The following LYPLAL1 variants were observed in gnomAD, a reference collection of about 807,000 sequenced individuals.
The protein encoded by LYPLAL1 is lysophospholipase-like protein 1.
LYPLAL1 carries 23 observed loss-of-function variants against 19.7 expected under a neutral mutation model. That is an observed-to-expected ratio of 1.17 (90% confidence interval 0.84 to 1.65). The LOEUF is 1.65. Among genes scored for constraint, LYPLAL1 ranks in the 40% most tolerant of loss-of-function variants. LYPLAL1 has a pLI of 0.00. For synonymous variants in LYPLAL1, 119 were observed against 96.3 expected, an observed-to-expected ratio of 1.24 and a Z score of -1.38; for missense variants, 355 against 279.4, an observed-to-expected ratio of 1.27 and a Z score of -1.93.
At chr1:219,349,331 A>G in the LYPLAL1 span, among the ~76,000 whole-genome samples, 1 of 152,242 alleles carries the variant, frequency 6.6e-6, no homozygotes, top group Non-Finnish European at 1.5e-5. Context: ...CTAGAAGTTG[A>G]TAACACAGTG....
At chr1:219,276,982 A>T in the LYPLAL1 span, among the ~76,000 whole-genome samples, 2 of 152,200 alleles carry the variant, frequency 1.3e-5, no homozygotes, top group Non-Finnish European at 2.9e-5. Context: ...AATGACTTCC[A>T]TATTTTTCCC....
At chr1:219,330,091 C>T in the LYPLAL1 span, among the ~76,000 whole-genome samples, 1 of 152,102 alleles carries the variant, frequency 6.6e-6, no homozygotes, top group African/African-American at 2.4e-5. Flanking sequence ...TTTTGATATC[C>T]TTCAGTCATG....
chr1:219,320,138 G>A, the LYPLAL1 span, among the ~76,000 whole-genome samples: 9 of 152,150 alleles, frequency 5.9e-5, no homozygotes, highest in East Asian at 1.9e-4. Flanking sequence ...GTAGGTAAGC[G>A]TTTATAATTT....
chr1:219,210,344 A>T, intron 3 of LYPLAL1, 188 bp from the exon 4 acceptor site: 1 of 379,100 alleles, frequency 2.6e-6, no homozygotes, highest in Non-Finnish European at 4.7e-6. Context: ...ACCAGTGGTG[A>T]CATAGAGGGA....
the LYPLAL1 span, among the ~76,000 whole-genome samples, chr1:219,283,308 T>G: frequency 6.6e-6 from 1 of 152,150 alleles, no homozygotes; most frequent in Non-Finnish European, 1.5e-5. Context: ...GTAACTTTAT[T>G]GAGAGGTACT....
At chr1:219,349,647 G>T in the LYPLAL1 span, among the ~76,000 whole-genome samples, 21 of 152,184 alleles carry the variant, frequency 1.4e-4, no homozygotes, top group African/African-American at 4.1e-4. Flanking sequence ...GTGTGTATGT[G>T]CTTGTGTGTT....
At chr1:219,308,946 G>A in the LYPLAL1 span, among the ~76,000 whole-genome samples, 1 of 152,200 alleles carries the variant, frequency 6.6e-6, no homozygotes, top group African/African-American at 2.4e-5. Context: ...AGCTTGCACT[G>A]CACACCTGGG....
chr1:219,334,123 A>G, the LYPLAL1 span, among the ~76,000 whole-genome samples: 1 of 152,036 alleles, frequency 6.6e-6, no homozygotes, highest in Non-Finnish European at 1.5e-5. Context: ...TAGAATCCCA[A>G]GGCTTCTTTG....
chr1:219,305,647 G>A, the LYPLAL1 span, among the ~76,000 whole-genome samples: 12 of 152,292 alleles, frequency 7.9e-5, no homozygotes, highest in East Asian at 2.1e-3. Flanking sequence ...GTGATATTCA[G>A]GGCATTGGGT....
At chr1:219,411,373 C>T in the LYPLAL1 span, among the ~76,000 whole-genome samples, 1 of 152,090 alleles carries the variant, frequency 6.6e-6, no homozygotes, top group Non-Finnish European at 1.5e-5. Flanking sequence ...GTGAATGCAC[C>T]AATCAACACT....
At chr1:219,187,253 G>A (rs79689827) in intron 2 of LYPLAL1, among the ~76,000 whole-genome samples, 1 of 151,502 alleles carries the variant, frequency 6.6e-6, no homozygotes, top group Non-Finnish European at 1.5e-5. Flanking sequence ...AGTGTGTTTT[G>A]ATTAAATTGT....
the LYPLAL1 span, among the ~76,000 whole-genome samples, chr1:219,352,516 C>CAAATAAATAAATAAAT: frequency 2.0e-5 from 3 of 150,678 alleles, no homozygotes; most frequent in South Asian, 2.1e-4. Context: ...GACTCCGTCT[C>CAAATAAATAAATAAAT]AAATAAATAA....
chr1:219,430,378 T>A, the LYPLAL1 span, among the ~76,000 whole-genome samples: 9 of 151,758 alleles, frequency 5.9e-5, no homozygotes, highest in African/African-American at 1.9e-4. Context: ...CTTTGAGAGG[T>A]TACTTCGTTT....
At chr1:219,400,055 T>A in the LYPLAL1 span, among the ~76,000 whole-genome samples, 14 of 151,898 alleles carry the variant, frequency 9.2e-5, no homozygotes, top group Admixed American at 9.2e-4. Flanking sequence ...GCATGTTGCT[T>A]CTTGCCAGTT....
the LYPLAL1 span, among the ~76,000 whole-genome samples, chr1:219,338,329 A>T: frequency 6.6e-6 from 1 of 152,014 alleles, no homozygotes; most frequent in African/African-American, 2.4e-5. Context: ...AAAAATAGGA[A>T]AAAACCTGAA....
At chr1:219,308,807 G>T in the LYPLAL1 span, among the ~76,000 whole-genome samples, 1 of 152,344 alleles carries the variant, frequency 6.6e-6, no homozygotes, top group South Asian at 2.1e-4. Context: ...GAGAACCTCT[G>T]CTAGAGCAGT....
chr1:219,273,822 C>T, the LYPLAL1 span, among the ~76,000 whole-genome samples: 1 of 152,100 alleles, frequency 6.6e-6, no homozygotes, highest in African/African-American at 2.4e-5. Flanking sequence ...AGTGCAGTGG[C>T]AAGATCTCGG....
chr1:219,185,383 A>G (rs1656643795), intron 2 of LYPLAL1, among the ~76,000 whole-genome samples: 2 of 151,056 alleles, frequency 1.3e-5, no homozygotes, highest in Admixed American at 1.3e-4. Flanking sequence ...TTTCTATTTC[A>G]TTTATATTTA....
chr1:219,380,357 C>T, the LYPLAL1 span, among the ~76,000 whole-genome samples: 12 of 152,182 alleles, frequency 7.9e-5, no homozygotes, highest in Admixed American at 4.6e-4. Flanking sequence ...CCCCAGACCA[C>T]GGCACAGTTG....
Sources: allele counts gnomAD v4.1 joint callset (sites outside exome capture counted in the v4.1 genomes callset), GRCh38; gene constraint gnomAD v4.1.1; transcripts MANE v1.5; gene names NCBI Gene and HGNC (gene_info 2026-07-23, HGNC 2026-07-21).